Variants in PCDHA10 observed in about 807,000 individuals in gnomAD.
PCDHA10 encodes the protein protocadherin alpha 10, also known as protocadherin alpha-10.
A neutral mutation model predicts 61.2 loss-of-function variants in PCDHA10; 45 were observed. That is an observed-to-expected ratio of 0.74 (90% CI 0.58 to 0.94). The LOEUF is 0.94. Among genes scored for constraint, PCDHA10 ranks in the 40% least tolerant of loss-of-function variants. The pLI, the probability that PCDHA10 is intolerant of heterozygous loss-of-function variation, is 0.00. For synonymous variants in PCDHA10, 602 were observed against 548.8 expected (o/e 1.10, Z -1.35); for missense variants, 1,278 against 1,236.2 (o/e 1.03, Z -0.51).
intron 1 of PCDHA10, among the ~76,000 whole-genome samples, chr5:140,950,022 A>T (rs1355491628): frequency 6.6e-6 from 1 of 151,918 alleles, no homozygotes; most frequent in Non-Finnish European, 1.5e-5. Context: ...CCTTCATAAA[A>T]TATAGAAAAG....
intron 1 of PCDHA10, chr5:140,926,754 C>T: frequency 1.6e-6 from 2 of 1,283,492 alleles, no homozygotes; most frequent in Non-Finnish European, 2.0e-6. Flanking sequence ...TCGGCGGTCG[C>T]TGAGTATCCA....
intron 1 of PCDHA10, among the ~76,000 whole-genome samples, chr5:140,907,298 A>T (rs138771358): frequency 0.017 from 2,638 of 152,276 alleles, 92 homozygotes; most frequent in African/African-American, 0.06. Context: ...CTGCTTCAGG[A>T]TGATGGGGAA....
At chr5:140,885,267 C>CAT (rs1219745687) in intron 1 of PCDHA10, among the ~76,000 whole-genome samples, 1 of 151,978 alleles carries the variant, frequency 6.6e-6, no homozygotes, top group East Asian at 1.9e-4. Context: ...ATTACTCATA[C>CAT]ATATATATAT....
chr5:140,928,555 A>G, intron 1 of PCDHA10: 1 of 1,614,240 alleles, frequency 6.2e-7, no homozygotes, highest in Non-Finnish European at 8.5e-7. Flanking sequence ...TTATCCGGTT[A>G]TCTTGTTTCC....
intron 1 of PCDHA10, chr5:140,966,789 C>G (rs782194817): frequency 6.5e-7 from 1 of 1,528,572 alleles, no homozygotes; most frequent in East Asian, 2.4e-5. Context: ...GGCACCAGAC[C>G]TGCGGCGACA....
intron 3 of PCDHA10, among the ~76,000 whole-genome samples, chr5:140,984,164 A>T (rs1471799520): frequency 6.6e-6 from 1 of 152,208 alleles, no homozygotes; most frequent in African/African-American, 2.4e-5. Flanking sequence ...GAACTTCCCA[A>T]AGAAGCCACG....
chr5:140,876,273 C>T, intron 1 of PCDHA10: 1 of 1,613,982 alleles, frequency 6.2e-7, no homozygotes, highest in South Asian at 1.1e-5. Context: ...TAAATGCTTC[C>T]GATCCAGACG....
chr5:140,896,188 G>C (rs1554186861), intron 1 of PCDHA10, among the ~76,000 whole-genome samples: 1 of 152,132 alleles, frequency 6.6e-6, no homozygotes, highest in Non-Finnish European at 1.5e-5. Context: ...ATTGTGAATA[G>C]TGCCATGATG....
intron 1 of PCDHA10, among the ~76,000 whole-genome samples, chr5:140,879,496 C>T (rs186624809): frequency 6.6e-6 from 1 of 152,204 alleles, no homozygotes; most frequent in Admixed American, 6.5e-5. Context: ...GGGTCTGGAT[C>T]TCAGAAGAGA....
chr5:140,902,415 G>C (rs887303649), intron 1 of PCDHA10, among the ~76,000 whole-genome samples: 24 of 152,178 alleles, frequency 1.6e-4, no homozygotes, highest in Admixed American at 1.3e-3. Flanking sequence ...TTGAATAACA[G>C]TGGTGAAAGT....
At chr5:140,862,555 G>A (rs926436647) in intron 1 of PCDHA10, 1 of 467,658 alleles carries the variant, frequency 2.1e-6, no homozygotes, top group South Asian at 1.7e-5. Flanking sequence ...TGGCCGAACA[G>A]TGAACCACAA....
intron 1 of PCDHA10, among the ~76,000 whole-genome samples, chr5:140,950,241 G>T (rs191139851): frequency 2.0e-5 from 3 of 152,014 alleles, no homozygotes; most frequent in African/African-American, 4.8e-5. Flanking sequence ...CCATTAATTT[G>T]TTCCTAAAGA....
chr5:140,968,597 G>T, intron 1 of PCDHA10: 1 of 1,614,176 alleles, frequency 6.2e-7, no homozygotes, highest in Non-Finnish European at 8.5e-7. Context: ...CATAGCTATG[G>T]ACTCAGACTC....
chr5:140,928,057 G>A, intron 1 of PCDHA10: 1 of 1,614,178 alleles, frequency 6.2e-7, no homozygotes. Context: ...TCAGCTGACG[G>A]CTTCCTTTGA....
At chr5:140,894,957 T>C (rs530563833) in intron 1 of PCDHA10, among the ~76,000 whole-genome samples, 1 of 152,206 alleles carries the variant, frequency 6.6e-6, no homozygotes, top group African/African-American at 2.4e-5. Flanking sequence ...ATGATAAAAA[T>C]ATAATTTTTT....
At chr5:140,968,385 A>G (rs782234319) in intron 1 of PCDHA10, 11 of 1,613,904 alleles carry the variant, frequency 6.8e-6, no homozygotes, top group Non-Finnish European at 9.3e-6. Flanking sequence ...TTTGACTATG[A>G]GAAGTTTCGG....
intron 1 of PCDHA10, among the ~76,000 whole-genome samples, chr5:140,960,799 A>C (rs2095571237): frequency 6.6e-6 from 1 of 152,170 alleles, no homozygotes; most frequent in Non-Finnish European, 1.5e-5. Flanking sequence ...TTTCTATTAA[A>C]ATAAGAGGTC....
Position 141,010,230 on chromosome 5 carries a change from C to T in PCDHA10, c.*293C>T. The T allele has an allele frequency of 1.3e-6, 2 of 1,551,936 alleles. No homozygotes were observed. Among genetic ancestry groups the T allele is most frequent in the African/African-American group, 1.4e-5 (1 of 73,162 alleles). Reference sequence around the variant, plus strand: ...GCAAAGGAGAGGCTTCCCAGCCCCGCCAGTGAGAGGTTGGACTCTCTGCCC... The same window carrying T: ...GCAAAGGAGAGGCTTCCCAGCCCCGTCAGTGAGAGGTTGGACTCTCTGCCC... On this transcript the variant is annotated 3_prime_UTR_variant, in exon 4 of 4. Transcript: ENST00000307360.
intron 3 of PCDHA10, among the ~76,000 whole-genome samples, chr5:141,006,105 G>GTT (rs79904017): frequency 1.9e-4 from 27 of 143,364 alleles, no homozygotes; most frequent in Middle Eastern, 3.8e-3. Flanking sequence ...ATGGTAAGGA[G>GTT]TTTTTTTTTT....
Sources: gnomAD v4.1 joint callset for allele counts (sites outside exome capture counted in the v4.1 genomes callset) on GRCh38, gnomAD v4.1.1 for gene constraint, MANE v1.5 for transcripts, NCBI Gene and HGNC (gene_info 2026-07-23, HGNC 2026-07-21) for gene names.